LINGO1: variants seen among roughly 807,000 people sequenced by gnomAD.
LINGO1 encodes the protein leucine rich repeat and Ig domain containing 1, also known as leucine-rich repeat and immunoglobulin-like domain-containing nogo receptor-interacting protein 1.
In LINGO1, 11 loss-of-function variants were observed where a neutral mutation model predicts 37.3. The observed-to-expected ratio is 0.29, with a 90% confidence interval of 0.19 to 0.49. The LOEUF (loss-of-function observed/expected upper bound fraction) is 0.49, where lower values mean the gene tolerates loss of function less well. Ranked by LOEUF, LINGO1 falls within the 20% of genes least tolerant of loss-of-function variation. The pLI is 0.99. For synonymous variants in LINGO1, 387 were observed against 403.0 expected, an observed-to-expected ratio of 0.96 and a Z score of 0.48; for missense variants, 585 against 878.2, an observed-to-expected ratio of 0.67 and a Z score of 4.22.
upstream of LINGO1, among the ~76,000 whole-genome samples, chr15:77,790,897 T>C (rs1027338210): frequency 6.6e-6 from 1 of 152,126 alleles, no homozygotes; most frequent in Non-Finnish European, 1.5e-5. Context: ...GGTGTGCAAG[T>C]AAAGGTCAGA....
At chr15:77,782,518 G>T (rs1596226207) in intron 1 of LINGO1, among the ~76,000 whole-genome samples, 1 of 152,136 alleles carries the variant, frequency 6.6e-6, no homozygotes, top group African/African-American at 2.4e-5. Flanking sequence ...CTGACCGAAG[G>T]CCCGATGCTC....
At chr15:77,633,532 G>T (rs972276550), upstream of LINGO1, among the ~76,000 whole-genome samples, 1 of 152,214 alleles carries the variant, frequency 6.6e-6, no homozygotes, top group African/African-American at 2.4e-5. Context: ...GAAGCTCCAG[G>T]GGACGGCGAG....
chr15:77,626,428 C>T (rs1384376898), intron 1 of LINGO1, among the ~76,000 whole-genome samples: 1 of 152,216 alleles, frequency 6.6e-6, no homozygotes, highest in African/African-American at 2.4e-5. Flanking sequence ...TCAAAGCCCT[C>T]TCTACTCAAA....
At chr15:77,662,898 G>A (rs990952098) in intron 3 of LINGO1, among the ~76,000 whole-genome samples, 1 of 152,166 alleles carries the variant, frequency 6.6e-6, no homozygotes, top group Non-Finnish European at 1.5e-5. Context: ...TCCCTGGGCT[G>A]GGAAAAAGAC....
At chr15:77,626,275 G>C (rs2074088502) in intron 1 of LINGO1, among the ~76,000 whole-genome samples, 1 of 150,818 alleles carries the variant, frequency 6.6e-6, no homozygotes, top group South Asian at 2.1e-4. Context: ...AGGTGAGAGA[G>C]TTTGGGTTAT....
Position 77,614,593 on chromosome 15 carries a change from C to T in LINGO1, c.1314G>A (p.Glu438=). Residue 438 remains glutamate, a synonymous_variant, in exon 2 of 2, where the codon GAG becomes GAA. Transcript: ENST00000355300. ...DRKAQQVFVD[E]GHTVQFVCRA... ...GGCACACAAACTGCACCGTGTGGCC[C>T]TCGTCCACAAACACCTGCTGGGCCT... is the stretch of plus-strand genomic sequence containing the variant. 1 of 1,610,990 alleles carries T rather than the reference C, an allele frequency of 6.2e-7. No homozygotes were observed. Among genetic ancestry groups the T allele is most frequent in the Non-Finnish European group, 8.5e-7 (1 of 1,178,934 alleles).
At chr15:77,646,728 G>A (rs534199382) in intron 3 of LINGO1, among the ~76,000 whole-genome samples, 2 of 152,346 alleles carry the variant, frequency 1.3e-5, no homozygotes, top group South Asian at 4.1e-4. Context: ...AGGAAGGGAT[G>A]GAGCTTTGAT....
intron 1 of LINGO1, among the ~76,000 whole-genome samples, chr15:77,771,041 G>A (rs2076579832): frequency 1.3e-5 from 2 of 152,294 alleles, no homozygotes; most frequent in Admixed American, 6.5e-5. Flanking sequence ...ACCTCAAAGT[G>A]AGGCAGGGTC....
At chr15:77,719,729 C>T (rs555435451) in intron 2 of LINGO1, among the ~76,000 whole-genome samples, 3 of 149,962 alleles carry the variant, frequency 2.0e-5, no homozygotes, top group Admixed American at 6.7e-5. Context: ...CATTCACGCA[C>T]ATATATACAA....
At chr15:77,632,955 G>T (rs1428283426), upstream of LINGO1, among the ~76,000 whole-genome samples, 36 of 151,280 alleles carry the variant, frequency 2.4e-4, no homozygotes, top group African/African-American at 8.5e-4. The surrounding 1 kb of genome is among the most constrained non-coding windows in gnomAD (Gnocchi z 6.0). Context: ...GGAGGAGGGA[G>T]CGAGTGAGCC....
chr15:77,646,817 G>A (rs1359351435), intron 3 of LINGO1, among the ~76,000 whole-genome samples: 1 of 150,746 alleles, frequency 6.6e-6, no homozygotes, highest in Non-Finnish European at 1.5e-5. Flanking sequence ...AAGGAGGCCT[G>A]GGAAACATTA....
chr15:77,738,177 C>T (rs1475768692), intron 1 of LINGO1, among the ~76,000 whole-genome samples: 2 of 152,186 alleles, frequency 1.3e-5, no homozygotes, highest in Non-Finnish European at 2.9e-5. Context: ...CTCTGCCCCG[C>T]CCTGGCCAGC....
chr15:77,730,364 T>G (rs1347528683), intron 2 of LINGO1, among the ~76,000 whole-genome samples: 1 of 152,118 alleles, frequency 6.6e-6, no homozygotes, highest in East Asian at 1.9e-4. Flanking sequence ...AGAGCTTAAG[T>G]AACATGTCTA....
chr15:77,648,416 G>A (rs952922448), intron 3 of LINGO1: 4 of 153,538 alleles, frequency 2.6e-5, no homozygotes, highest in African/African-American at 9.6e-5. Context: ...TGGCCACTGT[G>A]TCAGCTGCAT....
chr15:77,815,931 C>T (rs557127046), intron 1 of LINGO1, among the ~76,000 whole-genome samples: 5 of 152,334 alleles, frequency 3.3e-5, no homozygotes, highest in South Asian at 2.1e-4. Flanking sequence ...ACTGCAAACA[C>T]GTTCTACCCT....
intron 1 of LINGO1, among the ~76,000 whole-genome samples, chr15:77,770,102 T>G (rs2076569368): frequency 6.6e-6 from 1 of 152,124 alleles, no homozygotes; most frequent in African/African-American, 2.4e-5. Context: ...AAACAAGCCT[T>G]AGTGCCCTCA....
chr15:77,639,659 G>A (rs1393127465), intron 3 of LINGO1, among the ~76,000 whole-genome samples: 2 of 152,146 alleles, frequency 1.3e-5, no homozygotes, highest in Non-Finnish European at 2.9e-5. Context: ...CTATGTTGGA[G>A]TTACTTGCAT....
At chr15:77,779,044 C>T (rs2076689300) in intron 1 of LINGO1, among the ~76,000 whole-genome samples, 1 of 152,140 alleles carries the variant, frequency 6.6e-6, no homozygotes, top group Non-Finnish European at 1.5e-5. Flanking sequence ...CACACGCCCA[C>T]CTGGATGCCC....
At chr15:77,626,241 C>T (rs1434084508) in intron 1 of LINGO1, among the ~76,000 whole-genome samples, 1 of 151,298 alleles carries the variant, frequency 6.6e-6, no homozygotes, top group Non-Finnish European at 1.5e-5. Context: ...CATGGCCACC[C>T]CATGGCGGGG....
Sources: allele counts gnomAD v4.1 joint callset (sites outside exome capture counted in the v4.1 genomes callset), GRCh38; gene constraint gnomAD v4.1.1; non-coding constraint Gnocchi (gnomAD v3.1); transcripts MANE v1.5; gene names NCBI Gene and HGNC (gene_info 2026-07-23, HGNC 2026-07-21).